The following PCNX2 variants were observed in gnomAD, a reference collection of about 807,000 sequenced individuals.
The protein encoded by PCNX2 is pecanex 2.
PCNX2 carries 168 observed loss-of-function variants against 223.8 expected under a neutral mutation model. That is an observed-to-expected ratio of 0.75 (90% CI 0.66 to 0.85). The LOEUF is 0.85. Ranked by LOEUF, PCNX2 falls within the 40% of genes least tolerant of loss-of-function variation. The pLI is 0.00. For missense variants in PCNX2, 2,507 were observed against 2,675.5 expected, an observed-to-expected ratio of 0.94 and a Z score of 1.39; for synonymous variants, 1,006 against 1,052.6, an observed-to-expected ratio of 0.96 and a Z score of 0.86.
At chr1:233,025,781 T>C (rs1392377598) in intron 25 of PCNX2, 2 of 214,240 alleles carry the variant, frequency 9.3e-6, no homozygotes, top group African/African-American at 4.6e-5. Flanking sequence ...TCCAGGCTTG[T>C]TTCCTCATCT....
chr1:233,011,615 A>G (rs1220171607), intron 28 of PCNX2, among the ~76,000 whole-genome samples: 1 of 152,156 alleles, frequency 6.6e-6, no homozygotes, highest in Non-Finnish European at 1.5e-5. Flanking sequence ...AGCTTTAATC[A>G]TGGACAACCA....
At chr1:233,198,815 G>A in intron 15 of PCNX2, 124 bp downstream of exon 15, 1 of 979,868 alleles carries the variant, frequency 1.0e-6, no homozygotes, top group East Asian at 2.7e-5. Flanking sequence ...CAGCCACACA[G>A]TCACTCCCTG....
At chr1:233,311,576 C>T in the PCNX2 span, among the ~76,000 whole-genome samples, 61,243 of 152,072 alleles carry the variant, frequency 0.4, 12,511 homozygotes, top group Middle Eastern at 0.46. Flanking sequence ...CACAAATATC[C>T]GCTTCTTTCA....
At chr1:233,324,341 A>G in the PCNX2 span, among the ~76,000 whole-genome samples, 1 of 152,228 alleles carries the variant, frequency 6.6e-6, no homozygotes, top group Non-Finnish European at 1.5e-5. Flanking sequence ...TGTAGACAAA[A>G]CAGTCTTCTA....
At chr1:233,250,896 T>G in intron 7 of PCNX2, 64 bp from the exon 8 acceptor site, 1 of 1,478,010 alleles carries the variant, frequency 6.8e-7, no homozygotes, top group Non-Finnish European at 9.0e-7. Flanking sequence ...TCGTTTCAAC[T>G]TATACAATTT....
chr1:233,121,600 A>G (rs921654358), intron 21 of PCNX2, among the ~76,000 whole-genome samples: 2 of 152,152 alleles, frequency 1.3e-5, no homozygotes, highest in East Asian at 1.9e-4. Flanking sequence ...AGGTTCTAGA[A>G]CCAGTCCCCC....
intron 32 of PCNX2, 143 bp downstream of exon 32, chr1:232,998,108 C>T (rs1459652783): frequency 1.1e-5 from 9 of 802,566 alleles, no homozygotes; most frequent in Non-Finnish European, 1.6e-5. Flanking sequence ...GCAGAACCTA[C>T]AAGAGTCTGC....
intron 21 of PCNX2, among the ~76,000 whole-genome samples, chr1:233,106,225 C>T (rs1674764503): frequency 6.6e-6 from 1 of 152,122 alleles, no homozygotes; most frequent in Admixed American, 6.6e-5. Flanking sequence ...TGTTAGCCTT[C>T]CTCTAACTAT....
At chr1:233,324,598 A>ATTTTTTTT in the PCNX2 span, among the ~76,000 whole-genome samples, 2 of 127,554 alleles carry the variant, frequency 1.6e-5, no homozygotes, top group Admixed American at 8.2e-5. Context: ...GTTTACTGAA[A>ATTTTTTTT]TTTTTTTTTT....
the PCNX2 span, among the ~76,000 whole-genome samples, chr1:233,321,877 G>A: frequency 6.6e-6 from 1 of 152,278 alleles, no homozygotes; most frequent in South Asian, 2.1e-4. Flanking sequence ...AATGTCAACA[G>A]AGTGAATAAA....
chr1:233,259,630 C>G (rs1250358249), intron 4 of PCNX2, among the ~76,000 whole-genome samples: 2 of 152,064 alleles, frequency 1.3e-5, no homozygotes, highest in Non-Finnish European at 2.9e-5. Flanking sequence ...CCCTTGCCCC[C>G]CACCTCTGAC....
intron 8 of PCNX2, among the ~76,000 whole-genome samples, chr1:233,248,618 A>T (rs537480223): frequency 6.6e-6 from 1 of 152,130 alleles, no homozygotes; most frequent in Non-Finnish European, 1.5e-5. Context: ...TCCTGAAGAC[A>T]GATGGACCCA....
intron 26 of PCNX2, among the ~76,000 whole-genome samples, chr1:233,023,631 G>T (rs78221730): frequency 0.012 from 1,792 of 152,314 alleles, 42 homozygotes; most frequent in African/African-American, 0.04. Flanking sequence ...TTTGCTTAGA[G>T]TCTAGAAAGA....
intron 17 of PCNX2, among the ~76,000 whole-genome samples, chr1:233,169,677 A>G (rs1293642351): frequency 6.6e-6 from 1 of 151,824 alleles, no homozygotes; most frequent in African/African-American, 2.4e-5. Context: ...ACAGGTAACC[A>G]TAAATTGCAT....
chr1:233,323,135 T>G, the PCNX2 span, among the ~76,000 whole-genome samples: 1 of 152,226 alleles, frequency 6.6e-6, no homozygotes, highest in African/African-American at 2.4e-5. Flanking sequence ...CAGAACTCAT[T>G]TGGCATCAAA....
At chr1:233,035,936 G>C (rs7547840) in intron 25 of PCNX2, among the ~76,000 whole-genome samples, 4 of 152,268 alleles carry the variant, frequency 2.6e-5, no homozygotes, top group Non-Finnish European at 2.9e-5. Flanking sequence ...ATATTAACAG[G>C]AGGAGGGCCC....
chr1:233,078,405 G>GT (rs1673198288), intron 23 of PCNX2, among the ~76,000 whole-genome samples: 1 of 152,218 alleles, frequency 6.6e-6, no homozygotes, highest in Admixed American at 6.5e-5. Context: ...TAGTAAAACA[G>GT]TTTAAGACAA....
chr1:233,273,569 T>TC (rs1660756070), intron 1 of PCNX2, among the ~76,000 whole-genome samples: 1 of 152,116 alleles, frequency 6.6e-6, no homozygotes, highest in Non-Finnish European at 1.5e-5. Flanking sequence ...CCAAGGATTG[T>TC]CCAATAGGTT....
At chr1:233,032,410 T>A (rs2102845079) in intron 25 of PCNX2, among the ~76,000 whole-genome samples, 1 of 152,228 alleles carries the variant, frequency 6.6e-6, no homozygotes, top group Non-Finnish European at 1.5e-5. Flanking sequence ...GCCGACAGTT[T>A]TCAGAAATAT....
Sources: allele counts gnomAD v4.1 joint callset (sites outside exome capture counted in the v4.1 genomes callset), GRCh38; gene constraint gnomAD v4.1.1; transcripts MANE v1.5; gene names NCBI Gene and HGNC (gene_info 2026-07-23, HGNC 2026-07-21).